Variants in DYM observed in about 807,000 individuals in gnomAD.
DYM encodes the protein dymeclin.
DYM carries 78 observed loss-of-function variants against 93.1 expected under a neutral mutation model. The observed-to-expected ratio is 0.84, with a 90% CI of 0.70 to 1.01. The LOEUF is 1.01. Ranked by LOEUF, DYM falls within the 50% of genes least tolerant of loss-of-function variation. The pLI is 0.00. For synonymous variants in DYM, 321 were observed against 319.7 expected (o/e 1.00, Z -0.04); for missense variants, 789 against 845.0 (o/e 0.93, Z 0.82).
intron 14 of DYM, among the ~76,000 whole-genome samples, chr18:49,196,946 T>C (rs925981949): frequency 2.0e-5 from 3 of 151,926 alleles, no homozygotes; most frequent in African/African-American, 7.3e-5. Context: ...AAAGTAGAGA[T>C]TTGATTTATA....
At chr18:49,091,818 T>A (rs2079074797) in intron 17 of DYM, among the ~76,000 whole-genome samples, 1 of 152,138 alleles carries the variant, frequency 6.6e-6, no homozygotes. Flanking sequence ...TTTCATCACA[T>A]TGGTCAGGCT....
intron 13 of DYM, among the ~76,000 whole-genome samples, chr18:49,249,320 A>G (rs2094236559): frequency 6.6e-6 from 1 of 152,108 alleles, no homozygotes; most frequent in Admixed American, 6.5e-5. Flanking sequence ...TTTAAAAAAT[A>G]AGGCAATATT....
At chr18:49,257,941 T>G (rs1348961003) in intron 12 of DYM, among the ~76,000 whole-genome samples, 2 of 152,182 alleles carry the variant, frequency 1.3e-5, no homozygotes, top group African/African-American at 4.8e-5. Context: ...TAACCAGAAC[T>G]GAAATTTGCT....
At chr18:49,182,184 A>T (rs1188813386) in intron 14 of DYM, among the ~76,000 whole-genome samples, 1 of 152,182 alleles carries the variant, frequency 6.6e-6, no homozygotes. Context: ...TGAATCTTAT[A>T]ACCTGAATCT....
rs1287667205 is a variant in DYM at position 49,038,700 on chromosome 18, CTTCT to C, written c.*5351_*5354del. ...ATTTGTTCCACCTGTTCTGCTTTTT[CTTCT>C]TTCTTAGACTCTTTTGCAATTCTTA... On this transcript the variant is annotated 3_prime_UTR_variant, in exon 18 of 18. Transcript: ENST00000675505. 1.3e-5 allele frequency among the ~76,000 whole-genome samples: 2 copies of C among 152,156 alleles called. No homozygotes were observed. The highest frequency in any genetic ancestry group is 1.9e-4 in the East Asian group (1 of 5,206).
At chr18:49,144,615 G>A (rs1422282471) in intron 15 of DYM, among the ~76,000 whole-genome samples, 1 of 152,154 alleles carries the variant, frequency 6.6e-6, no homozygotes, top group Non-Finnish European at 1.5e-5. Flanking sequence ...GCTCAAAGCT[G>A]TTATTGGGTT....
At chr18:49,054,908 G>GCT (rs555235153) in intron 17 of DYM, among the ~76,000 whole-genome samples, 46 of 152,346 alleles carry the variant, frequency 3.0e-4, no homozygotes, top group African/African-American at 1.1e-3. Flanking sequence ...CTCGGGACAA[G>GCT]CTCTCCACAA....
intron 13 of DYM, among the ~76,000 whole-genome samples, chr18:49,215,174 A>G (rs956241607): frequency 1.3e-5 from 2 of 152,202 alleles, no homozygotes; most frequent in Non-Finnish European, 2.9e-5. Flanking sequence ...AGTCTAACTT[A>G]TTTCCTTACA....
intron 6 of DYM, among the ~76,000 whole-genome samples, chr18:49,350,639 G>C (rs1000840466): frequency 6.6e-6 from 1 of 150,712 alleles, no homozygotes; most frequent in Admixed American, 6.6e-5. Context: ...CTGGGAGGCG[G>C]AGGTTGCAGT....
At position 49,054,898 on chromosome 18, in the gene DYM, C is replaced by T. The variant is rs78227964; in HGVS notation, c.2026-10694G>A. ...GGAGGATATAAAGTGGAGCCCCATG[C>T]TCGGGACAAGCTCTCCACAAACCAT... On this transcript the variant is annotated intron_variant, in intron 17 of 17. Coordinates refer to ENST00000675505, the MANE Select transcript of DYM (RefSeq NM_001353214.3). 2.3e-3 allele frequency among the ~76,000 whole-genome samples: 354 copies of T among 152,316 alleles called. 2 individuals carry two copies. The highest frequency in any genetic ancestry group is 8.3e-3 in the African/African-American group (345 of 41,576).
At chr18:49,072,893 C>A (rs923423469) in intron 17 of DYM, among the ~76,000 whole-genome samples, 3 of 152,194 alleles carry the variant, frequency 2.0e-5, no homozygotes, top group African/African-American at 7.2e-5. Context: ...TTCCATTAGA[C>A]TAGGCTCTTA....
At chr18:49,098,606 G>C (rs565982143) in intron 16 of DYM, among the ~76,000 whole-genome samples, 3 of 152,362 alleles carry the variant, frequency 2.0e-5, no homozygotes, top group Admixed American at 6.5e-5. Flanking sequence ...CACTGCTTGT[G>C]ATTCCAGATA....
intron 15 of DYM, among the ~76,000 whole-genome samples, chr18:49,158,715 C>A (rs190925133): frequency 1.3e-5 from 2 of 152,124 alleles, no homozygotes; most frequent in Admixed American, 1.3e-4. Context: ...TTGTGCCTGG[C>A]TTGTTTCACT....
At chr18:49,424,681 C>T (rs1325534034) in intron 2 of DYM, among the ~76,000 whole-genome samples, 3 of 152,136 alleles carry the variant, frequency 2.0e-5, no homozygotes, top group Non-Finnish European at 4.4e-5. Context: ...AGCTGATAAG[C>T]AACTTCAGCA....
chr18:49,441,729 G>A (rs1014010308), intron 1 of DYM, among the ~76,000 whole-genome samples: 3 of 152,034 alleles, frequency 2.0e-5, no homozygotes, highest in African/African-American at 7.2e-5. Flanking sequence ...CTGCCAAGGG[G>A]GACACCAACA....
chr18:49,375,167 C>G (rs977481152), intron 5 of DYM, among the ~76,000 whole-genome samples: 1 of 148,710 alleles, frequency 6.7e-6, no homozygotes, highest in Non-Finnish European at 1.5e-5. Context: ...GGGGCTCTCA[C>G]AGTTACAAAG....
chr18:49,317,217 TAA>T (rs529947812), intron 8 of DYM, among the ~76,000 whole-genome samples: 9 of 152,266 alleles, frequency 5.9e-5, no homozygotes, highest in Admixed American at 1.3e-4. Context: ...CTCCAAAAAA[TAA>T]AGTCTATTAA....
At chr18:49,225,466 G>T (rs1033726938) in intron 13 of DYM, among the ~76,000 whole-genome samples, 2 of 151,920 alleles carry the variant, frequency 1.3e-5, no homozygotes, top group Non-Finnish European at 2.9e-5. Context: ...ATATTGAAGG[G>T]AACAATCTAG....
intron 16 of DYM, among the ~76,000 whole-genome samples, chr18:49,102,544 C>G (rs1321737678): frequency 6.6e-6 from 1 of 152,094 alleles, no homozygotes; most frequent in Non-Finnish European, 1.5e-5. Flanking sequence ...TTAGGTATAT[C>G]TCCAAATGCT....
Sources: gnomAD v4.1 joint callset for allele counts (sites outside exome capture counted in the v4.1 genomes callset) on GRCh38, gnomAD v4.1.1 for gene constraint, MANE v1.5 for transcripts, NCBI Gene and HGNC (gene_info 2026-07-23, HGNC 2026-07-21) for gene names.